FILIP1L: variants seen among roughly 807,000 people sequenced by gnomAD.
FILIP1L encodes filamin A interacting protein 1 like, also known as filamin A-interacting protein 1-like.
A neutral mutation model predicts 96.6 loss-of-function variants in FILIP1L; 55 were observed. That is an observed-to-expected ratio of 0.57 (90% CI 0.46 to 0.71). The LOEUF is 0.71. Ranked by LOEUF, FILIP1L falls within the 30% of genes least tolerant of loss-of-function variation. FILIP1L has a pLI of 0.00. For synonymous variants in FILIP1L, 467 were observed against 473.9 expected, an observed-to-expected ratio of 0.99 and a Z score of 0.19; for missense variants, 1,304 against 1,321.2, an observed-to-expected ratio of 0.99 and a Z score of 0.20.
chr3:100,109,980 T>C (rs2066463931), intron 1 of FILIP1L: 1 of 134,676 alleles, frequency 7.4e-6, no homozygotes, highest in Admixed American at 8.6e-5. Context: ...TTCAAACTGT[T>C]GGCAACCATT....
At chr3:99,875,643 G>C (rs1178122814) in intron 4 of FILIP1L, among the ~76,000 whole-genome samples, 1 of 152,132 alleles carries the variant, frequency 6.6e-6, no homozygotes, top group African/African-American at 2.4e-5. Context: ...TTTACAAAAA[G>C]AGGGGAAAAC....
intron 1 of FILIP1L, among the ~76,000 whole-genome samples, chr3:100,037,943 T>TTC (rs2065135531): frequency 7.3e-6 from 1 of 136,714 alleles, no homozygotes; most frequent in Non-Finnish European, 1.6e-5. Context: ...GCTTTTCTTT[T>TTC]TTTTTTTTTT....
At position 100,033,097 on chromosome 3, in the gene FILIP1L, A is replaced by G. The variant is rs182480499; in HGVS notation, c.-11+80956T>C. 7.4e-4 allele frequency among the ~76,000 whole-genome samples: 113 copies of G among 152,336 alleles called. 1 individual carries two copies. Among genetic ancestry groups the G allele is most frequent in the Admixed American group, 7.1e-3 (109 of 15,298 alleles). On this transcript the variant is annotated intron_variant, in intron 1 of 5. Coordinates refer to ENST00000477258, the MANE Select transcript of FILIP1L (RefSeq NM_001387850.1). ...AAAGAATTCAGGAAAACTATCTTCA[A>G]CTATATTGCTGGATAGCATTACTTT... is the stretch of plus-strand genomic sequence containing the variant.
intron 1 of FILIP1L, among the ~76,000 whole-genome samples, chr3:99,958,285 G>A (rs1708396714): frequency 6.7e-6 from 1 of 149,670 alleles, no homozygotes; most frequent in South Asian, 2.1e-4. Flanking sequence ...TTGAATTTAA[G>A]AGAACAGTAA....
chr3:100,019,382 G>T (rs1282577493), intron 1 of FILIP1L, among the ~76,000 whole-genome samples: 2 of 152,080 alleles, frequency 1.3e-5, no homozygotes, highest in African/African-American at 4.8e-5. Context: ...GAATTGACAG[G>T]AGAGTAACCT....
At chr3:99,974,459 C>T (rs1708910574) in intron 1 of FILIP1L, among the ~76,000 whole-genome samples, 1 of 152,188 alleles carries the variant, frequency 6.6e-6, no homozygotes, top group Non-Finnish European at 1.5e-5. Context: ...CCTGTAATCA[C>T]AGCACTTTGG....
chr3:99,982,297 A>G (rs1355030419), intron 1 of FILIP1L, among the ~76,000 whole-genome samples: 2 of 151,502 alleles, frequency 1.3e-5, no homozygotes, highest in African/African-American at 2.4e-5. Context: ...GGGGCTGTGT[A>G]TTTATGAATG....
intron 1 of FILIP1L, among the ~76,000 whole-genome samples, chr3:99,936,921 C>T (rs1707695196): frequency 6.6e-6 from 1 of 152,044 alleles, no homozygotes; most frequent in Non-Finnish European, 1.5e-5. Flanking sequence ...TTTGTTTTAA[C>T]TAGCTTATTT....
chr3:99,901,675 A>C (rs1240634439), intron 4 of FILIP1L, among the ~76,000 whole-genome samples: 4 of 152,194 alleles, frequency 2.6e-5, no homozygotes, highest in Non-Finnish European at 4.4e-5. Flanking sequence ...TTGCATAATC[A>C]AGTTGTGTAA....
chr3:99,937,021 T>A (rs1482592637), intron 1 of FILIP1L, among the ~76,000 whole-genome samples: 1 of 152,156 alleles, frequency 6.6e-6, no homozygotes, highest in East Asian at 1.9e-4. Context: ...CACTGCAACC[T>A]CTGCCTCCAG....
intron 1 of FILIP1L, among the ~76,000 whole-genome samples, chr3:100,064,211 G>T (rs941711726): frequency 6.6e-6 from 1 of 152,168 alleles, no homozygotes; most frequent in Admixed American, 6.5e-5. Flanking sequence ...TATTTAGGAC[G>T]TGTGGTGGAT....
chr3:99,848,745 G>A lies in FILIP1L; in HGVS notation c.2931C>T (p.Thr977=), dbSNP rs781491940. 10 of 1,614,076 alleles carry A rather than the reference G, an allele frequency of 6.2e-6. No individual in the cohort carries two copies. The African/African-American group carries it at 1.1e-4, about 17-fold the overall frequency. Reference sequence around the variant, plus strand: ...TCTGTGCTCTGGCAAAGGTTGCCATGGTAATTGGGGACATGCCTTGTTCTA... The same window carrying A: ...TCTGTGCTCTGGCAAAGGTTGCCATAGTAATTGGGGACATGCCTTGTTCTA... ...MNLEQGMSPI[T]MATFARAQTP... Residue 977 remains threonine (T), a synonymous_variant, in exon 5 of 6, where the codon ACC becomes ACT. Transcript: ENST00000477258.
At chr3:99,867,961 AG>A (rs1450351051) in intron 4 of FILIP1L, among the ~76,000 whole-genome samples, 1 of 152,222 alleles carries the variant, frequency 6.6e-6, no homozygotes, top group Non-Finnish European at 1.5e-5. Flanking sequence ...ATTAACACCT[AG>A]GCAAAAAGTA....
intron 1 of FILIP1L, among the ~76,000 whole-genome samples, chr3:100,081,955 A>T (rs2065938684): frequency 6.6e-6 from 1 of 152,114 alleles, no homozygotes; most frequent in East Asian, 1.9e-4. Flanking sequence ...ATTGCCTTCA[A>T]TTGCTGTTTT....
At chr3:100,002,851 G>A (rs946692357) in intron 1 of FILIP1L, among the ~76,000 whole-genome samples, 3 of 152,122 alleles carry the variant, frequency 2.0e-5, no homozygotes, top group Non-Finnish European at 2.9e-5. Context: ...ACAAAAGGAA[G>A]TACCAGAAAC....
At position 99,830,330 on chromosome 3, in the gene FILIP1L, G is replaced by T. The variant is rs1942628945; in HGVS notation, c.*84C>A. 29 of 353,130 alleles carry T rather than the reference G, an allele frequency of 8.2e-5. No homozygotes were observed. In the Middle Eastern group the frequency reaches 3.1e-3, roughly 38 times the overall value. The allele number at this position is 353,130 out of a possible 1,614,324, so 21.9% of individuals were successfully genotyped here. ...CTGCTTCACCATTTCCTGGAGAGAT[G>T]GTCCTTTGGCCTTTCATAGTGGTAA... On this transcript the variant is annotated 3_prime_UTR_variant, in exon 6 of 6. Coordinates refer to ENST00000477258, the MANE Select transcript of FILIP1L (RefSeq NM_001387850.1).
intron 1 of FILIP1L, among the ~76,000 whole-genome samples, chr3:99,962,805 A>G (rs953832335): frequency 8.5e-5 from 13 of 152,220 alleles, no homozygotes; most frequent in Admixed American, 3.9e-4. Flanking sequence ...TGCAGCCCCT[A>G]AGAACAAATT....
intron 4 of FILIP1L, among the ~76,000 whole-genome samples, chr3:99,919,723 G>A (rs1286993936): frequency 6.6e-6 from 1 of 152,040 alleles, no homozygotes; most frequent in African/African-American, 2.4e-5. Flanking sequence ...GGAAAAATAG[G>A]CCTGTCATAA....
chr3:99,971,076 G>A (rs9843300), intron 1 of FILIP1L, among the ~76,000 whole-genome samples: 2 of 152,196 alleles, frequency 1.3e-5, no homozygotes, highest in Non-Finnish European at 2.9e-5. Context: ...GGTGGCTCAC[G>A]CCTGTAATCC....
Sources: gnomAD v4.1 joint callset for allele counts (sites outside exome capture counted in the v4.1 genomes callset) on GRCh38, gnomAD v4.1.1 for gene constraint, MANE v1.5 for transcripts, NCBI Gene and HGNC (gene_info 2026-07-23, HGNC 2026-07-21) for gene names.